Variants in GPR174 observed in about 807,000 individuals in gnomAD.
The protein encoded by GPR174 is probable G protein-coupled receptor 174.
Under a neutral mutation model 16.5 loss-of-function variants are expected in GPR174, and 8 were observed. The observed-to-expected ratio is 0.48, with a 90% CI of 0.28 to 0.87. GPR174 has a LOEUF of 0.87. Ranked by LOEUF, GPR174 falls within the 40% of genes least tolerant of loss-of-function variation. The probability of loss-of-function intolerance (pLI) is 0.09; values close to 1 mark genes in which losing one functional copy is unlikely to be tolerated. For missense variants in GPR174, 214 were observed against 247.5 expected (o/e 0.86, Z 0.91); for synonymous variants, 111 against 94.8 (o/e 1.17, Z -0.99).
chrX:79,158,777 G>GT (rs1383296044), intron 2 of GPR174, among the ~76,000 whole-genome samples: 3 of 88,779 alleles, frequency 3.4e-5, no homozygotes, highest in Admixed American at 1.2e-4. Context: ...AAGTTAATGA[G>GT]TAAAAAAAAA....
chrX:79,149,069 T>C (rs931382654), intron 1 of GPR174, among the ~76,000 whole-genome samples: 13 of 112,051 alleles, frequency 1.2e-4, no homozygotes, highest in Non-Finnish European at 2.3e-4. Context: ...TACAATTAAA[T>C]ATTATGAGCA....
intron 1 of GPR174, among the ~76,000 whole-genome samples, chrX:79,155,805 G>T (rs1921082648): frequency 8.9e-6 from 1 of 111,860 alleles, no homozygotes; most frequent in Non-Finnish European, 1.9e-5. Context: ...AAATCATCGT[G>T]TTAAAAGGAT....
chrX:79,166,432 CTTTTTTT>C (rs1174620976), intron 2 of GPR174, among the ~76,000 whole-genome samples: 8 of 43,627 alleles, frequency 1.8e-4, no homozygotes, highest in Admixed American at 4.2e-4. Context: ...TTTCTTTTTT[CTTTTTTT>C]TTTTTTTTTT....
Position 79,171,972 on chromosome X carries a change from A to G in GPR174, c.965A>G (p.Asn322Ser), listed in dbSNP as rs750403868. The change falls in exon 3 of 3, where the codon AAC (asparagine) becomes AGC (serine). Residue 322 changes from asparagine (N) to serine (S), a missense_variant. Physicochemically the swap from Asn to Ser is conservative, Grantham distance 46 (BLOSUM62 1). Transcript: ENST00000645147. ...IQLHAKSFVS[N>S]HTASTMTPEL... ...CTCCATGCAAAATCCTTTGTGAGTA[A>G]CCATACAGCTTCCACCATGACACCT... 6 of 1,199,816 alleles carry G rather than the reference A, an allele frequency of 5.0e-6. No individual in the cohort carries two copies. In the South Asian group the frequency reaches 9.2e-5, roughly 18 times the overall value.
chrX:79,158,678 G>A (rs1195683567), intron 2 of GPR174, among the ~76,000 whole-genome samples: 24 of 106,019 alleles, frequency 2.3e-4, no homozygotes, highest in African/African-American at 7.6e-4. Flanking sequence ...TCTTGACCTC[G>A]TGATCCACCT....
intron 1 of GPR174, among the ~76,000 whole-genome samples, chrX:79,146,882 C>T (rs1179065828): frequency 9.0e-6 from 1 of 111,212 alleles, no homozygotes; most frequent in Non-Finnish European, 1.9e-5. Context: ...AGGCACCAAT[C>T]AGCTACCCAG....
Position 79,170,929 on chromosome X carries a change from C to A in GPR174, c.-79C>A. The A allele has an allele frequency of 1.1e-6, 1 of 907,398 alleles. No individual in the cohort carries two copies. The allele number at this position is 907,398 out of a possible 1,213,427, so 74.8% of individuals were successfully genotyped here. A position where few individuals can be genotyped will look rare whatever the true frequency, so the allele number is the denominator to read the frequency against. ...TATCTCCAACCCACTGGCAATCAAT[C>A]TTTTGGAAGGAACAGCAGTTGATTG... is the stretch of plus-strand genomic sequence containing the variant. On this transcript the variant is annotated 5_prime_UTR_variant, in exon 3 of 3. Transcript: ENST00000645147.
chrX:79,158,501 T>C (rs1389531389), intron 2 of GPR174, among the ~76,000 whole-genome samples: 2 of 100,868 alleles, frequency 2.0e-5, no homozygotes, highest in African/African-American at 7.3e-5. Flanking sequence ...TGGAGTGCAG[T>C]GACGCAATCT....
At chrX:79,170,215 G>T (rs1011981922) in intron 2 of GPR174, among the ~76,000 whole-genome samples, 2 of 111,435 alleles carry the variant, frequency 1.8e-5, no homozygotes, top group Admixed American at 1.9e-4. Context: ...TTTGTAACAA[G>T]CTCCCAAGCG....
intron 1 of GPR174, among the ~76,000 whole-genome samples, chrX:79,153,724 C>G (rs1305573390): frequency 9.0e-6 from 1 of 111,411 alleles, no homozygotes; most frequent in Non-Finnish European, 1.9e-5. Context: ...GATAGTCTGA[C>G]CATATGAAGG....
chrX:79,165,761 C>G (rs1010064153), intron 2 of GPR174, among the ~76,000 whole-genome samples: 2 of 110,872 alleles, frequency 1.8e-5, no homozygotes, highest in Non-Finnish European at 3.8e-5. Flanking sequence ...TCCCTTTTCA[C>G]AGGCTATTAA....
At chrX:79,158,793 A>G (rs1223673166) in intron 2 of GPR174, among the ~76,000 whole-genome samples, 1 of 106,275 alleles carries the variant, frequency 9.4e-6, no homozygotes, top group East Asian at 3.0e-4. Flanking sequence ...AAAAAAAAAA[A>G]CAGTTAAAAA....
intron 2 of GPR174, among the ~76,000 whole-genome samples, chrX:79,164,394 C>T (rs1279566275): frequency 5.4e-5 from 6 of 111,836 alleles, no homozygotes; most frequent in Non-Finnish European, 1.1e-4. Flanking sequence ...GTGCCAGACA[C>T]AGAGTTGTCA....
At chrX:79,164,963 A>T (rs1333066289) in intron 2 of GPR174, among the ~76,000 whole-genome samples, 1 of 111,663 alleles carries the variant, frequency 9.0e-6, no homozygotes, top group African/African-American at 3.3e-5. Flanking sequence ...ATTTTAAATT[A>T]ATTGTGTAGT....
At chrX:79,158,175 CT>C (rs367923879) in intron 2 of GPR174, among the ~76,000 whole-genome samples, 1,956 of 97,360 alleles carry the variant, frequency 0.02, 29 homozygotes, top group African/African-American at 0.054. Context: ...GTTTTCTTTT[CT>C]TTTTTTTTTT....
chrX:79,173,176 T>C lies in GPR174; in HGVS notation c.*1167T>C, dbSNP rs1921559776. ...GTCACATGGACCCTAGAATCCACATTGATTTTTTTTGGTCTAGCTTTGCCC... is the reference window on the plus strand; with the variant it reads ...GTCACATGGACCCTAGAATCCACATCGATTTTTTTTGGTCTAGCTTTGCCC... On this transcript the variant is annotated 3_prime_UTR_variant, in exon 3 of 3. Transcript: ENST00000645147. 1 of 111,575 alleles carries C rather than the reference T, an allele frequency of 9.0e-6. No individual in the cohort carries two copies. Among genetic ancestry groups the C allele is most frequent in the East Asian group, 2.8e-4 (1 of 3,567 alleles). 9.2% of individuals were successfully genotyped at this position (111,575 alleles called of 1,213,427 possible).
Position 79,173,282 on chromosome X carries a change from T to C in GPR174, c.*1273T>C, listed in dbSNP as rs1921562046. On this transcript the variant is annotated 3_prime_UTR_variant, in exon 3 of 3. Coordinates refer to ENST00000645147, the MANE Select transcript of GPR174 (RefSeq NM_032553.3). ...ATTATTTCACCTCTTGAAAAATGCA[T>C]AGAAGATTAATTTGGTCAGCCTTTG... 8.9e-6 allele frequency: 1 copy of C among 111,790 alleles called. No individual in the cohort carries two copies. The highest frequency in any genetic ancestry group is 3.3e-5 in the African/African-American group (1 of 30,734). 9.2% of individuals were successfully genotyped at this position (111,790 alleles called of 1,213,427 possible). A position where few individuals can be genotyped will look rare whatever the true frequency, so the allele number is the denominator to read the frequency against.
intron 2 of GPR174, among the ~76,000 whole-genome samples, chrX:79,162,948 G>A (rs774931390): frequency 5.6e-4 from 63 of 111,921 alleles, no homozygotes; most frequent in Non-Finnish European, 1.0e-3. Context: ...AGGTGAGAAA[G>A]AGTTGCTGGG....
At position 79,173,368 on chromosome X, in the gene GPR174, C is replaced by G. The variant is rs1450452369; in HGVS notation, c.*1359C>G. On this transcript the variant is annotated 3_prime_UTR_variant, in exon 3 of 3. Coordinates refer to ENST00000645147, the MANE Select transcript of GPR174 (RefSeq NM_032553.3). Reference sequence around the variant, plus strand: ...TGGTACTATTGTGTGGGAAACAGACCCAGGATATTAGTCGTAATTAAACCT... The same window carrying G: ...TGGTACTATTGTGTGGGAAACAGACGCAGGATATTAGTCGTAATTAAACCT... 9.0e-6 allele frequency: 1 copy of G among 111,675 alleles called. No homozygotes were observed. The highest frequency in any genetic ancestry group is 1.9e-5 in the Non-Finnish European group (1 of 53,088). 9.2% of individuals were successfully genotyped at this position (111,675 alleles called of 1,213,427 possible). A position where few individuals can be genotyped will look rare whatever the true frequency, so the allele number is the denominator to read the frequency against.
Sources: allele counts gnomAD v4.1 joint callset (sites outside exome capture counted in the v4.1 genomes callset), GRCh38; gene constraint gnomAD v4.1.1; transcripts MANE v1.5; gene names NCBI Gene and HGNC (gene_info 2026-07-23, HGNC 2026-07-21).